Variants in EPB41L3 observed in about 807,000 individuals in gnomAD.
EPB41L3 encodes the protein band 4.1-like protein 3.
In EPB41L3, 57 loss-of-function variants were observed where a neutral mutation model predicts 127.1. The ratio of observed to expected loss-of-function variants is 0.45; its 90% CI spans 0.36 to 0.56. The LOEUF is 0.56. Among genes scored for constraint, EPB41L3 ranks in the 20% least tolerant of loss-of-function variants. The probability of loss-of-function intolerance (pLI) is 0.00; values close to 1 mark genes in which losing one functional copy is unlikely to be tolerated. For missense variants in EPB41L3, 1,273 were observed against 1,372.2 expected (o/e 0.93, Z 1.14); for synonymous variants, 572 against 549.5 (o/e 1.04, Z -0.57).
chr18:5,474,721 G>A (rs1308358031), intron 3 of EPB41L3, among the ~76,000 whole-genome samples: 1 of 152,026 alleles, frequency 6.6e-6, no homozygotes, highest in Non-Finnish European at 1.5e-5. Context: ...ACACATATTG[G>A]AGAGAGGGAT....
intron 1 of EPB41L3, among the ~76,000 whole-genome samples, chr18:5,491,127 A>C (rs1310350587): frequency 6.6e-6 from 1 of 152,220 alleles, no homozygotes; most frequent in Admixed American, 6.5e-5. Flanking sequence ...CAGAAGAAAA[A>C]TGCACTCAAT....
chr18:5,473,859 A>G (rs2086627214), intron 3 of EPB41L3, among the ~76,000 whole-genome samples: 1 of 152,174 alleles, frequency 6.6e-6, no homozygotes, highest in Admixed American at 6.5e-5. Flanking sequence ...TTTCTCAAAA[A>G]TATATATCAA....
At chr18:5,416,455 T>G in intron 12 of EPB41L3, 77 bp from the exon 13 acceptor site, 1 of 1,401,570 alleles carries the variant, frequency 7.1e-7, no homozygotes, top group Non-Finnish European at 9.5e-7. Flanking sequence ...CTGCAATTAG[T>G]TAATTTTCTT....
Position 5,476,735 on chromosome 18 carries a change from G to T in EPB41L3, c.381+1506C>A, listed in dbSNP as rs1395667978. On this transcript the variant is annotated intron_variant, in intron 3 of 22. Coordinates refer to ENST00000341928, the MANE Select transcript of EPB41L3 (RefSeq NM_012307.5). ...ACTGAAGAAATACAGTATTTCTCAA[G>T]GTTACAAAAGTTCCATAAGTTTCAT... 3.3e-5 allele frequency among the ~76,000 whole-genome samples: 5 copies of T among 152,260 alleles called. No individual in the cohort carries two copies. The East Asian group carries it at 9.6e-4, about 29-fold the overall frequency.
chr18:5,537,481 A>G (rs1292340289), intron 1 of EPB41L3, among the ~76,000 whole-genome samples: 1 of 152,188 alleles, frequency 6.6e-6, no homozygotes, highest in African/African-American at 2.4e-5. Flanking sequence ...TCCATTAACT[A>G]AAGACCATCT....
intron 8 of EPB41L3, among the ~76,000 whole-genome samples, chr18:5,430,975 G>A (rs994052395): frequency 3.9e-5 from 6 of 152,218 alleles, no homozygotes; most frequent in Admixed American, 2.0e-4. Flanking sequence ...TACCCAAATA[G>A]TCTCTGTCAT....
intron 3 of EPB41L3, among the ~76,000 whole-genome samples, chr18:5,454,127 T>C (rs1487247453): frequency 6.6e-6 from 1 of 152,080 alleles, no homozygotes; most frequent in African/African-American, 2.4e-5. Flanking sequence ...TTCCTTTTTT[T>C]CTAACGAATT....
intron 1 of EPB41L3, chr18:5,528,975 G>A (rs924992624): frequency 4.6e-5 from 7 of 152,174 alleles, no homozygotes; most frequent in Non-Finnish European, 1.0e-4. Context: ...CAATACAGCT[G>A]CACTATTTCT....
chr18:5,411,605 C>G (rs2076204736), intron 13 of EPB41L3, among the ~76,000 whole-genome samples: 1 of 144,266 alleles, frequency 6.9e-6, no homozygotes, highest in Admixed American at 6.8e-5. Context: ...GACTTTCCCT[C>G]CACAGATATC....
intron 3 of EPB41L3, among the ~76,000 whole-genome samples, chr18:5,453,875 C>G (rs1483314895): frequency 6.6e-6 from 1 of 152,250 alleles, no homozygotes; most frequent in South Asian, 2.1e-4. Flanking sequence ...TTATTTTGGA[C>G]GAATCTAACA....
chr18:5,491,543 C>T (rs577554551), intron 1 of EPB41L3, among the ~76,000 whole-genome samples: 1 of 152,312 alleles, frequency 6.6e-6, no homozygotes, highest in African/African-American at 2.4e-5. Context: ...CCAACAACCA[C>T]CTACCAACAA....
chr18:5,473,312 C>T (rs140105096), intron 3 of EPB41L3, among the ~76,000 whole-genome samples: 371 of 152,080 alleles, frequency 2.4e-3, no homozygotes, highest in Non-Finnish European at 4.3e-3. Context: ...AGAAACATGG[C>T]AGGGCCCTTT....
intron 2 of EPB41L3, among the ~76,000 whole-genome samples, chr18:5,481,362 T>A (rs1422844222): frequency 6.6e-6 from 1 of 152,166 alleles, no homozygotes; most frequent in South Asian, 2.1e-4. Context: ...AAAAACTCCA[T>A]GCAGATGGTG....
chr18:5,511,559 C>T (rs577393285), intron 1 of EPB41L3, among the ~76,000 whole-genome samples: 59 of 152,044 alleles, frequency 3.9e-4, no homozygotes, highest in African/African-American at 1.4e-3. Context: ...CCATATTTCA[C>T]AATACCAAAC....
chr18:5,559,127 A>G (rs2094085191), intron 3 of EPB41L3, among the ~76,000 whole-genome samples: 1 of 152,154 alleles, frequency 6.6e-6, no homozygotes, highest in African/African-American at 2.4e-5. Flanking sequence ...GGACATTTTG[A>G]TCTTCAAAAT....
chr18:5,532,720 T>C (rs188100095), intron 1 of EPB41L3, among the ~76,000 whole-genome samples: 180 of 152,210 alleles, frequency 1.2e-3, no homozygotes, highest in Admixed American at 2.1e-3. Flanking sequence ...CAGAAGCTGG[T>C]TTGAGTAGAG....
At chr18:5,461,101 G>A (rs898750521) in intron 3 of EPB41L3, among the ~76,000 whole-genome samples, 2 of 152,136 alleles carry the variant, frequency 1.3e-5, no homozygotes, top group Non-Finnish European at 2.9e-5. Context: ...CGTGACGTCT[G>A]GGCAGTATTT....
intron 1 of EPB41L3, among the ~76,000 whole-genome samples, chr18:5,505,524 T>TTTCACCTCCACCCCTACCCTCCACACC (rs2092083442): frequency 1.5e-5 from 1 of 66,724 alleles, no homozygotes; most frequent in African/African-American, 5.6e-5. Flanking sequence ...CCCTCCACAC[T>TTTCACCTCCACCCCTACCCTCCACACC]TTCACCTCCA....
intron 3 of EPB41L3, among the ~76,000 whole-genome samples, chr18:5,447,661 G>C (rs1178490546): frequency 6.6e-6 from 1 of 152,078 alleles, no homozygotes; most frequent in Non-Finnish European, 1.5e-5. Flanking sequence ...AATCGTTTCT[G>C]AATATGCTGC....
Sources: allele counts gnomAD v4.1 joint callset (sites outside exome capture counted in the v4.1 genomes callset), GRCh38; gene constraint gnomAD v4.1.1; transcripts MANE v1.5; gene names NCBI Gene and HGNC (gene_info 2026-07-23, HGNC 2026-07-21).